VASP: variants seen among roughly 807,000 people sequenced by gnomAD.
The protein encoded by VASP is vasodilator-stimulated phosphoprotein.
A neutral mutation model predicts 54.4 loss-of-function variants in VASP; 27 were observed. The observed-to-expected ratio is 0.50, with a 90% confidence interval of 0.37 to 0.68. The LOEUF is 0.68. Ranked by LOEUF, VASP falls within the 30% of genes least tolerant of loss-of-function variation. The pLI, the probability that VASP is intolerant of heterozygous loss-of-function variation, is 0.00. For synonymous variants in VASP, 233 were observed against 209.8 expected (o/e 1.11, Z -0.96); for missense variants, 488 against 528.3 (o/e 0.92, Z 0.75).
At chr19:45,525,394 C>A (rs756474624) in intron 11 of VASP, among the ~76,000 whole-genome samples, 2 of 151,962 alleles carry the variant, frequency 1.3e-5, no homozygotes, top group Admixed American at 1.3e-4. Flanking sequence ...TGAAACCCAT[C>A]GCTACTAAAA....
At position 45,522,413 on chromosome 19, in the gene VASP, A is replaced by G; in HGVS notation, c.552A>G (p.Pro184=). The change falls in exon 6 of 13, where the codon CCA becomes CCG. Residue 184 remains proline, a synonymous_variant. Coordinates refer to ENST00000245932, the MANE Select transcript of VASP (RefSeq NM_003370.4). ...PGPPPPPGPP[P]PPGLPPSGVP... is the part of the protein sequence containing the mutation. The stretch of plus-strand genomic sequence containing the variant: ...CTCCCCCTCCTCCAGGTCCCCCCCC[A>G]CCCCCAGGTTTGCCCCCTTCGGGGG... The G allele has an allele frequency of 7.6e-7, 1 of 1,324,358 alleles. No individual in the cohort carries two copies. The allele number at this position is 1,324,358 out of a possible 1,614,324, so 82.0% of individuals were successfully genotyped here. A position where few individuals can be genotyped will look rare whatever the true frequency, so the allele number is the denominator to read the frequency against.
chr19:45,519,894 C>CTTTT (rs57892194), intron 3 of VASP, among the ~76,000 whole-genome samples: 770 of 50,970 alleles, frequency 0.015, 209 homozygotes, highest in South Asian at 0.023. Context: ...TGCGCCCGGC[C>CTTTT]TTTTTTTTTT....
chr19:45,522,053 T>TA (rs1489401019), intron 4 of VASP, 115 bp from the exon 5 acceptor site: 6 of 1,412,960 alleles, frequency 4.2e-6, no homozygotes, highest in Non-Finnish European at 5.9e-6. Context: ...CTTGGGTGAG[T>TA]ATTAGGAGCC....
chr19:45,523,115 T>C (rs1968878535), intron 7 of VASP, among the ~76,000 whole-genome samples: 1 of 149,414 alleles, frequency 6.7e-6, no homozygotes, highest in African/African-American at 2.5e-5. Context: ...CGCTCCACCC[T>C]CGGAATCTTA....
Position 45,525,864 on chromosome 19 carries a change from T to A in VASP, c.1048-82T>A, listed in dbSNP as rs2122352515. The A allele has an allele frequency of 2.8e-6, 4 of 1,417,138 alleles. No homozygotes were observed. In the South Asian group the frequency reaches 5.1e-5, roughly 18 times the overall value. 87.8% of individuals were successfully genotyped at this position (1,417,138 alleles called of 1,614,324 possible). On this transcript the variant is annotated intron_variant, in intron 11 of 12. Transcript: ENST00000245932. ...AGCCTGGGCAACAGAGCAAGGTTCC[T>A]TCTCAAAAAATAAAAGAAGGGGGAT...
At chr19:45,526,109 C>T (rs750111470) in intron 12 of VASP, 31 bp from the exon 13 acceptor site, 5 of 1,613,854 alleles carry the variant, frequency 3.1e-6, no homozygotes, top group South Asian at 2.2e-5. Context: ...AGAGACTCTG[C>T]CCCTGACCTC....
rs1366346532 is a variant in VASP, at chr19:45,507,630, C to T, written c.-142C>T. ...CCGCCCCGGCCCGGTCCACATTCTC[C>T]CCAGGAAGCCGGACTCTATGGGGCG... is the stretch of plus-strand genomic sequence containing the variant. On this transcript the variant is annotated 5_prime_UTR_variant, in exon 1 of 13. Coordinates refer to ENST00000245932, the MANE Select transcript of VASP (RefSeq NM_003370.4). This position sits in a 1 kb window ranked among gnomAD's most constrained non-coding sequence, Gnocchi z 4.4. 5.4e-6 allele frequency: 6 copies of T among 1,109,276 alleles called. No homozygotes were observed. In the African/African-American group the frequency reaches 8.3e-5, roughly 15 times the overall value. 68.7% of individuals were successfully genotyped at this position (1,109,276 alleles called of 1,614,324 possible).
At chr19:45,521,907 T>C (rs1158842414) in intron 4 of VASP, among the ~76,000 whole-genome samples, 2 of 151,728 alleles carry the variant, frequency 1.3e-5, no homozygotes, top group Non-Finnish European at 2.9e-5. Flanking sequence ...GAAAGAATCT[T>C]GGGCATTTTG....
Position 45,519,894 on chromosome 19 carries a change from C to CTTTTTTTTTTTT in VASP, c.344-1411_344-1400dup, listed in dbSNP as rs57892194. ...ACAGGCGTGAGCCACTGCGCCCGGC[C>CTTTTTTTTTTTT]TTTTTTTTTTTTTTTTTTTTTTTTT... On this transcript the variant is annotated intron_variant, in intron 3 of 12. Coordinates refer to ENST00000245932, the MANE Select transcript of VASP (RefSeq NM_003370.4). 7.8e-5 allele frequency among the ~76,000 whole-genome samples: 4 copies of CTTTTTTTTTTTT among 50,974 alleles called. 2 individuals carry two copies. Among genetic ancestry groups the CTTTTTTTTTTTT allele is most frequent in the African/African-American group, 3.9e-4 (4 of 10,198 alleles). 33.4% of individuals were successfully genotyped at this position (50,974 alleles called of 152,430 possible).
Position 45,522,730 on chromosome 19 carries a change from T to C in VASP, c.733T>C (p.Ser245Pro). Residue 245 changes from serine to proline, a missense_variant, in exon 7 of 13, where the codon TCA (serine) becomes CCA (proline). Coordinates refer to ENST00000245932, the MANE Select transcript of VASP (RefSeq NM_003370.4). ...LRKVSKQEEA[S>P]GGPTAPKAES... Reference sequence around the variant, plus strand: ...TAAATTTCTCCAGCAGGAGGAGGCCTCAGGGGGGCCCACAGCCCCCAAAGC... The same window carrying C: ...TAAATTTCTCCAGCAGGAGGAGGCCCCAGGGGGGCCCACAGCCCCCAAAGC... The C allele has an allele frequency of 6.2e-7, 1 of 1,604,128 alleles. No individual in the cohort carries two copies. The highest frequency in any genetic ancestry group is 8.5e-7 in the Non-Finnish European group (1 of 1,177,492).
At chr19:45,508,189 G>A (rs958915079) in intron 1 of VASP, among the ~76,000 whole-genome samples, 18 of 152,152 alleles carry the variant, frequency 1.2e-4, no homozygotes, top group Non-Finnish European at 1.5e-5. Flanking sequence ...GGGATACCCT[G>A]GGACTTGGAA....
In VASP at chr19:45,526,381, C is replaced by T. The variant is rs1461805941; in HGVS notation, c.*204C>T. 5 of 592,814 alleles carry T rather than the reference C, an allele frequency of 8.4e-6. No homozygotes were observed. Among genetic ancestry groups the T allele is most frequent in the Non-Finnish European group, 1.4e-5 (5 of 358,280 alleles). The allele number at this position is 592,814 out of a possible 1,614,324, so 36.7% of individuals were successfully genotyped here. A position where few individuals can be genotyped will look rare whatever the true frequency, so the allele number is the denominator to read the frequency against. On this transcript the variant is annotated 3_prime_UTR_variant, in exon 13 of 13. Coordinates refer to ENST00000245932, the MANE Select transcript of VASP (RefSeq NM_003370.4). ...GCTGCTGATTGGCTGGGGAGGCCCC[C>T]GCCCTTTTCTCCCTTTGGTCCTTCC...
In VASP at chr19:45,517,603, C is replaced by T. The variant is rs892702750; in HGVS notation, c.6-60C>T. On this transcript the variant is annotated intron_variant, in intron 1 of 12. Transcript: ENST00000245932. ...ACACTGTCTTTGTCCCTTGGAATCT[C>T]CCAGGAGAGACCCAGATAAGAAGGT... 49 of 1,570,270 alleles carry T rather than the reference C, an allele frequency of 3.1e-5. No homozygotes were observed. In the Admixed American group the frequency reaches 7.1e-4, roughly 23 times the overall value.
At position 45,507,764 on chromosome 19, in the gene VASP, G is replaced by A. The variant is rs11551194; in HGVS notation, c.-8G>A. 8.6e-6 allele frequency: 13 copies of A among 1,509,906 alleles called. No homozygotes were observed. The highest frequency in any genetic ancestry group is 8.0e-5 in the East Asian group (3 of 37,320). 93.5% of individuals were successfully genotyped at this position (1,509,906 alleles called of 1,614,324 possible). A position where few individuals can be genotyped will look rare whatever the true frequency, so the allele number is the denominator to read the frequency against. On this transcript the variant is annotated 5_prime_UTR_variant, in exon 1 of 13. Transcript: ENST00000245932. The surrounding 1 kb of genome is among the most constrained non-coding windows in gnomAD (Gnocchi z 4.4). Reference sequence around the variant, plus strand: ...CCCGTGGGCGAGCCGCCCGCCCGCCGAGCAGCCATGAGGTGAGCCGGACCT... The same window carrying A: ...CCCGTGGGCGAGCCGCCCGCCCGCCAAGCAGCCATGAGGTGAGCCGGACCT...
At chr19:45,520,924 G>A (rs1481354141) in intron 3 of VASP, among the ~76,000 whole-genome samples, 1 of 152,214 alleles carries the variant, frequency 6.6e-6, no homozygotes, top group Non-Finnish European at 1.5e-5. Flanking sequence ...TGATTGCACT[G>A]CTGCACTCCA....
chr19:45,515,420 G>A (rs1196013867), intron 1 of VASP, among the ~76,000 whole-genome samples: 2 of 152,292 alleles, frequency 1.3e-5, no homozygotes, highest in Admixed American at 1.3e-4. Flanking sequence ...CCTCCCAGAG[G>A]GGCTGGTGGG....
chr19:45,519,113 CA>C (rs1406889471), intron 3 of VASP, among the ~76,000 whole-genome samples: 6 of 152,316 alleles, frequency 3.9e-5, no homozygotes, highest in Non-Finnish European at 5.9e-5. Context: ...CTCCCGGGTT[CA>C]AGCGATTCTC....
chr19:45,525,679 C>A, intron 11 of VASP: 1 of 327,170 alleles, frequency 3.1e-6, no homozygotes, highest in Non-Finnish European at 5.7e-6. Flanking sequence ...GTCTGGGTGA[C>A]AGGGAGACTC....
chr19:45,515,431 A>G (rs1968682119), intron 1 of VASP, among the ~76,000 whole-genome samples: 1 of 151,928 alleles, frequency 6.6e-6, no homozygotes, highest in Non-Finnish European at 1.5e-5. Flanking sequence ...GGCTGGTGGG[A>G]GGGTCCCGAG....
Sources: gnomAD v4.1 joint callset for allele counts (sites outside exome capture counted in the v4.1 genomes callset) on GRCh38, gnomAD v4.1.1 for gene constraint, Gnocchi (gnomAD v3.1) non-coding constraint, MANE v1.5 for transcripts, NCBI Gene and HGNC (gene_info 2026-07-23, HGNC 2026-07-21) for gene names.